The following GRIN3A variants were observed in gnomAD, a reference collection of about 807,000 sequenced individuals.
GRIN3A encodes the protein glutamate ionotropic receptor NMDA type subunit 3A.
A neutral mutation model predicts 92.4 loss-of-function variants in GRIN3A; 47 were observed. The ratio of observed to expected loss-of-function variants is 0.51; its 90% CI spans 0.40 to 0.65. The LOEUF is 0.65. GRIN3A is among the 30% of genes least tolerant of loss of function. The pLI, the probability that GRIN3A is intolerant of heterozygous loss-of-function variation, is 0.00. For missense variants in GRIN3A, 1,324 were observed against 1,393.1 expected, an observed-to-expected ratio of 0.95 and a Z score of 0.79; for synonymous variants, 527 against 540.6, an observed-to-expected ratio of 0.97 and a Z score of 0.35.
chr9:101,736,046 A>C (rs886646574), intron 1 of GRIN3A, among the ~76,000 whole-genome samples: 2 of 152,216 alleles, frequency 1.3e-5, no homozygotes, highest in African/African-American at 4.8e-5. Flanking sequence ...CAAACTTTTC[A>C]TTGTACATTG....
chr9:101,667,191 C>G (rs1243387915), intron 3 of GRIN3A, among the ~76,000 whole-genome samples: 1 of 151,830 alleles, frequency 6.6e-6, no homozygotes, highest in Non-Finnish European at 1.5e-5. Flanking sequence ...ATACTATATA[C>G]CTATATACTT....
In GRIN3A at chr9:101,708,965, C is replaced by T. The variant is rs537125445; in HGVS notation, c.700-21765G>A. 9.8e-5 allele frequency among the ~76,000 whole-genome samples: 15 copies of T among 152,292 alleles called. No homozygotes were observed. In the South Asian group the frequency reaches 3.1e-3, roughly 32 times the overall value. ...TAACTCTTGTAAATGTTTTCAGAAA[C>T]CTTTGGAAAGGATTCTAAATGATAG... On this transcript the variant is annotated intron_variant, in intron 1 of 8. Coordinates refer to ENST00000361820, the MANE Select transcript of GRIN3A (RefSeq NM_133445.3).
chr9:101,671,596 T>G (rs1237765525), intron 2 of GRIN3A, among the ~76,000 whole-genome samples: 1 of 152,206 alleles, frequency 6.6e-6, no homozygotes, highest in Non-Finnish European at 1.5e-5. Flanking sequence ...ATGCATATAC[T>G]TTAATAATTG....
chr9:101,696,476 T>C (rs1415590345), intron 1 of GRIN3A, among the ~76,000 whole-genome samples: 9 of 152,304 alleles, frequency 5.9e-5, no homozygotes, highest in African/African-American at 1.9e-4. Context: ...TTTTAAGAAC[T>C]TTTGGAATAA....
At chr9:101,736,836 A>G (rs1197406182) in intron 1 of GRIN3A, among the ~76,000 whole-genome samples, 1 of 152,144 alleles carries the variant, frequency 6.6e-6, no homozygotes, top group African/African-American at 2.4e-5. Flanking sequence ...CTTTTCCGAC[A>G]CATGCTGTCA....
At chr9:101,695,354 A>G (rs1829672200) in intron 1 of GRIN3A, among the ~76,000 whole-genome samples, 2 of 152,320 alleles carry the variant, frequency 1.3e-5, no homozygotes, top group South Asian at 2.1e-4. Flanking sequence ...TCTAGGGGGC[A>G]GTATTATCAG....
chr9:101,631,590 C>A (rs1828715628), intron 3 of GRIN3A, among the ~76,000 whole-genome samples: 1 of 152,148 alleles, frequency 6.6e-6, no homozygotes. Flanking sequence ...AGGGAACCAG[C>A]AGACCCAGGC....
intron 8 of GRIN3A, among the ~76,000 whole-genome samples, chr9:101,574,263 A>C (rs528881981): frequency 6.6e-6 from 1 of 152,316 alleles, no homozygotes; most frequent in Admixed American, 6.5e-5. Context: ...AATTATTGCC[A>C]AATAGTCACA....
chr9:101,596,954 C>A (rs553848984), intron 6 of GRIN3A, among the ~76,000 whole-genome samples: 17 of 152,290 alleles, frequency 1.1e-4, no homozygotes, highest in African/African-American at 4.1e-4. Flanking sequence ...AACATTAAAC[C>A]AAGTACGGGA....
rs1364055066 is a variant in GRIN3A at position 101,570,912 on chromosome 9, AC to A, written c.*2261del. The stretch of plus-strand genomic sequence containing the variant: ...ATACAGTCAGAATATGAGCTGAGTT[AC>A]AAAAATGTCCATGTACATTAGGAGC... On this transcript the variant is annotated 3_prime_UTR_variant, in exon 9 of 9. Coordinates refer to ENST00000361820, the MANE Select transcript of GRIN3A (RefSeq NM_133445.3). The A allele has an allele frequency of 6.6e-6, 1 of 152,640 alleles. No homozygotes were observed. Among genetic ancestry groups the A allele is most frequent in the Non-Finnish European group, 1.5e-5 (1 of 68,042 alleles). The allele number at this position is 152,640 out of a possible 1,614,324, so 9.5% of individuals were successfully genotyped here.
At chr9:101,686,510 G>T in intron 2 of GRIN3A, 86 bp downstream of exon 2, 1 of 1,470,572 alleles carries the variant, frequency 6.8e-7, no homozygotes, top group Non-Finnish European at 9.5e-7. Flanking sequence ...TCAGAGTCAA[G>T]ATTTCTGCAA....
chr9:101,643,247 A>G (rs1192280435), intron 3 of GRIN3A, among the ~76,000 whole-genome samples: 1 of 152,188 alleles, frequency 6.6e-6, no homozygotes, highest in Non-Finnish European at 1.5e-5. Context: ...AGGATCTTGA[A>G]TAGATATTTT....
chr9:101,737,798 G>T lies in GRIN3A; in HGVS notation c.182C>A (p.Ala61Asp). The T allele has an allele frequency of 2.0e-6, 3 of 1,530,492 alleles. No homozygotes were observed. Among genetic ancestry groups the T allele is most frequent in the Non-Finnish European group, 2.6e-6 (3 of 1,144,704 alleles). The allele number at this position is 1,530,492 out of a possible 1,614,324, so 94.8% of individuals were successfully genotyped here. The part of the protein sequence containing the change: ...GAVHLQPWTT[A>D]PRAASRAPDD... Reference sequence around the variant, plus strand: ...CGGAGCGCGGCTGGCCGCGCGGGGGGCGGTGGTCCAGGGCTGCAAGTGCAC... The same window carrying T: ...CGGAGCGCGGCTGGCCGCGCGGGGGTCGGTGGTCCAGGGCTGCAAGTGCAC... The change falls in exon 1 of 9, where the codon GCC becomes GAC. Residue 61 changes from alanine (A) to aspartate (D), a missense_variant. Physicochemically the swap from Ala to Asp is moderately radical, Grantham distance 126 (BLOSUM62 -2). Transcript: ENST00000361820.
chr9:101,603,119 T>C (rs1828233504), intron 6 of GRIN3A: 1 of 152,198 alleles, frequency 6.6e-6, no homozygotes, highest in Non-Finnish European at 1.5e-5. Flanking sequence ...CATGCATTTC[T>C]CATTTTGAAA....
At chr9:101,677,515 C>T (rs72745381) in intron 2 of GRIN3A, among the ~76,000 whole-genome samples, 35,620 of 151,866 alleles carry the variant, frequency 0.23, 4,500 homozygotes, top group East Asian at 0.56. Context: ...TACTATTTGT[C>T]GCCATTCCAG....
intron 2 of GRIN3A, among the ~76,000 whole-genome samples, chr9:101,674,786 G>C (rs545108828): frequency 6.6e-6 from 1 of 152,170 alleles, no homozygotes; most frequent in Non-Finnish European, 1.5e-5. Flanking sequence ...ATGAAGAAAG[G>C]TAAGAAGGTG....
At chr9:101,715,553 ATTTCT>A (rs1351155644) in intron 1 of GRIN3A, among the ~76,000 whole-genome samples, 5 of 152,196 alleles carry the variant, frequency 3.3e-5, no homozygotes, top group African/African-American at 1.2e-4. Flanking sequence ...TGGGATTAAA[ATTTCT>A]TTTCTAAAGT....
intron 3 of GRIN3A, among the ~76,000 whole-genome samples, chr9:101,652,608 C>A (rs1829027795): frequency 6.6e-6 from 1 of 151,964 alleles, no homozygotes. Context: ...AAATCCCAGG[C>A]AGTAAGCCCT....
chr9:101,601,889 A>G (rs73509305), intron 6 of GRIN3A, among the ~76,000 whole-genome samples: 1,545 of 152,254 alleles, frequency 0.01, 27 homozygotes, highest in African/African-American at 0.035. Flanking sequence ...CCTATTTCCA[A>G]ACCAGAACAC....
Sources: allele counts gnomAD v4.1 joint callset (sites outside exome capture counted in the v4.1 genomes callset), GRCh38; gene constraint gnomAD v4.1.1; transcripts MANE v1.5; gene names NCBI Gene and HGNC (gene_info 2026-07-23, HGNC 2026-07-21).